Variants in MICAL2 observed in about 807,000 individuals in gnomAD.
MICAL2 encodes [F-actin]-monooxygenase MICAL2.
Under a neutral mutation model 127.3 loss-of-function variants are expected in MICAL2, and 77 were observed. That is an observed-to-expected ratio of 0.60 (90% CI 0.50 to 0.73). The LOEUF is 0.73. MICAL2 is among the 30% of genes least tolerant of loss of function. The pLI is 0.00. For missense variants in MICAL2, 1,351 were observed against 1,434.4 expected, an observed-to-expected ratio of 0.94 and a Z score of 0.94; for synonymous variants, 570 against 551.1, an observed-to-expected ratio of 1.03 and a Z score of -0.48.
intron 34 of MICAL2, among the ~76,000 whole-genome samples, chr11:12,355,239 C>G (rs1004426807): frequency 4.6e-5 from 7 of 152,114 alleles, no homozygotes; most frequent in Non-Finnish European, 8.8e-5. Context: ...TTCCGTAATG[C>G]TAGTTCAGTG....
At chr11:12,202,797 A>G (rs924018398) in intron 3 of MICAL2, among the ~76,000 whole-genome samples, 2 of 152,246 alleles carry the variant, frequency 1.3e-5, no homozygotes, top group African/African-American at 4.8e-5. Context: ...TTTTAAAATT[A>G]TGACACAATT....
At chr11:12,287,777 G>A (rs1264966334), downstream of MICAL2, among the ~76,000 whole-genome samples, 2 of 152,212 alleles carry the variant, frequency 1.3e-5, no homozygotes, top group African/African-American at 2.4e-5. Context: ...CAGTCTCACA[G>A]CATCTAGGCA....
At chr11:12,354,756 C>T (rs2134908744) in intron 33 of MICAL2, 1 of 1,599,896 alleles carries the variant, frequency 6.3e-7, no homozygotes, top group Non-Finnish European at 8.6e-7. Flanking sequence ...CTATAGTATT[C>T]ATAAAATTTG....
intron 3 of MICAL2, among the ~76,000 whole-genome samples, chr11:12,198,075 C>T (rs1860174341): frequency 6.6e-6 from 1 of 152,078 alleles, no homozygotes; most frequent in African/African-American, 2.4e-5. Context: ...CTTGAAGTTC[C>T]CCTGGGGAGC....
intron 3 of MICAL2, among the ~76,000 whole-genome samples, chr11:12,198,682 G>T (rs1334285859): frequency 6.6e-6 from 1 of 152,188 alleles, no homozygotes; most frequent in African/African-American, 2.4e-5. Flanking sequence ...GTGCTGGGAG[G>T]ACTGCGGCTA....
rs1857415812 is a variant in MICAL2, at chr11:12,226,157, T to C, written c.1689-14T>C. The C allele has an allele frequency of 6.2e-7, 1 of 1,613,996 alleles. No individual in the cohort carries two copies. Among genetic ancestry groups the C allele is most frequent in the African/African-American group, 1.3e-5 (1 of 74,946 alleles). ...CCTCTCCCTGAATTTCTCTGCTTTG[T>C]TTTGATTCTCTAGCAACTTTGACTC... On this transcript the variant is annotated splice_polypyrimidine_tract_variant and intron_variant, in intron 13 of 27. Transcript: ENST00000683283.
At chr11:12,120,718 A>G (rs1363732804) in intron 1 of MICAL2, among the ~76,000 whole-genome samples, 1 of 152,218 alleles carries the variant, frequency 6.6e-6, no homozygotes, top group East Asian at 1.9e-4. Flanking sequence ...TGTGGTAGAA[A>G]CGTGAGGGCT....
chr11:12,307,248 A>G (rs1590731271), intron 29 of MICAL2, among the ~76,000 whole-genome samples: 1 of 152,166 alleles, frequency 6.6e-6, no homozygotes, highest in East Asian at 1.9e-4. Context: ...ATTTTTTGGT[A>G]AAGTAGCTTT....
chr11:12,293,293 G>T (rs1863927746), downstream of MICAL2, among the ~76,000 whole-genome samples: 1 of 152,250 alleles, frequency 6.6e-6, no homozygotes, highest in South Asian at 2.1e-4. Flanking sequence ...CTTCCCCCTG[G>T]CTTCCAACCC....
intron 1 of MICAL2, among the ~76,000 whole-genome samples, chr11:12,122,566 G>A (rs772681241): frequency 2.0e-5 from 3 of 152,050 alleles, no homozygotes; most frequent in African/African-American, 4.8e-5. Flanking sequence ...GTGTCACCAC[G>A]CCTGGCTAAT....
At chr11:12,337,691 C>A (rs2134874513) in intron 32 of MICAL2, among the ~76,000 whole-genome samples, 1 of 152,042 alleles carries the variant, frequency 6.6e-6, no homozygotes, top group South Asian at 2.1e-4. Flanking sequence ...ATCTTTATTT[C>A]TGCCTTCATT....
chr11:12,219,167 A>T (rs763770014), intron 8 of MICAL2, among the ~76,000 whole-genome samples: 5 of 152,182 alleles, frequency 3.3e-5, no homozygotes, highest in Admixed American at 2.0e-4. Flanking sequence ...CATGTTACAC[A>T]CTGGTCCCCT....
intron 15 of MICAL2, among the ~76,000 whole-genome samples, chr11:12,233,363 C>G (rs1451176351): frequency 6.6e-6 from 1 of 152,176 alleles, no homozygotes; most frequent in Non-Finnish European, 1.5e-5. Flanking sequence ...TATCACTGGC[C>G]GTCTTCCTGA....
chr11:12,170,836 C>T (rs906663173), intron 3 of MICAL2, among the ~76,000 whole-genome samples: 6 of 152,144 alleles, frequency 3.9e-5, no homozygotes, highest in African/African-American at 7.2e-5. Flanking sequence ...TCTCTTTTGA[C>T]GGTGAGCTCC....
chr11:12,336,585 G>A (rs1424737829), intron 32 of MICAL2, among the ~76,000 whole-genome samples: 2 of 152,112 alleles, frequency 1.3e-5, no homozygotes, highest in African/African-American at 2.4e-5. Flanking sequence ...TATTGGCTGT[G>A]GGTTTGTCAT....
chr11:12,284,926 C>T (rs1370046320), intron 2 of MICAL2, among the ~76,000 whole-genome samples: 1 of 152,196 alleles, frequency 6.6e-6, no homozygotes, highest in Non-Finnish European at 1.5e-5. Flanking sequence ...TTCTCCTTGC[C>T]TGCTGCCTAG....
chr11:12,114,772 C>T (rs1442753010), intron 1 of MICAL2, among the ~76,000 whole-genome samples: 1 of 152,228 alleles, frequency 6.6e-6, no homozygotes, highest in Non-Finnish European at 1.5e-5. Context: ...GACGTTTCCT[C>T]AGCACGCGTC....
intron 29 of MICAL2, among the ~76,000 whole-genome samples, chr11:12,302,242 C>T (rs1256571808): frequency 5.3e-5 from 8 of 152,082 alleles, no homozygotes; most frequent in Admixed American, 3.9e-4. Context: ...GAGCCTGGCT[C>T]GGGTTTGGTT....
intron 8 of MICAL2, among the ~76,000 whole-genome samples, chr11:12,219,528 C>CA (rs11316414): frequency 0.031 from 1,514 of 48,616 alleles, 147 homozygotes; most frequent in African/African-American, 0.048. Flanking sequence ...AACTCCATCT[C>CA]AAAAAAAAAA....
Sources: gnomAD v4.1 joint callset for allele counts (sites outside exome capture counted in the v4.1 genomes callset) on GRCh38, gnomAD v4.1.1 for gene constraint, MANE v1.5 for transcripts, NCBI Gene and HGNC (gene_info 2026-07-23, HGNC 2026-07-21) for gene names.